The following PRKCB variants were observed in gnomAD, a reference collection of about 807,000 sequenced individuals.
PRKCB encodes protein kinase C beta type.
Under a neutral mutation model 81.5 loss-of-function variants are expected in PRKCB, and 13 were observed. The ratio of observed to expected loss-of-function variants is 0.16; its 90% CI spans 0.10 to 0.25. The LOEUF is 0.25. Among genes scored for constraint, PRKCB ranks in the 10% least tolerant of loss-of-function variants. The probability of loss-of-function intolerance (pLI) is 1.00; values close to 1 mark genes in which losing one functional copy is unlikely to be tolerated. For missense variants in PRKCB, 509 were observed against 875.7 expected (o/e 0.58, Z 5.29); for synonymous variants, 335 against 321.4 (o/e 1.04, Z -0.45).
chr16:23,943,802 T>C (rs1300435413), intron 2 of PRKCB, among the ~76,000 whole-genome samples: 1 of 152,214 alleles, frequency 6.6e-6, no homozygotes, highest in Admixed American at 6.5e-5. Context: ...CCATCAAGCC[T>C]AACCTTTATT....
intron 12 of PRKCB, among the ~76,000 whole-genome samples, chr16:24,180,321 T>C (rs1967598827): frequency 6.6e-6 from 1 of 152,226 alleles, no homozygotes; most frequent in Admixed American, 6.5e-5. Flanking sequence ...CAGGGAACAC[T>C]TAGCATTAAA....
intron 2 of PRKCB, among the ~76,000 whole-genome samples, chr16:23,844,608 C>T (rs1373579684): frequency 6.6e-6 from 1 of 151,418 alleles, no homozygotes; most frequent in Non-Finnish European, 1.5e-5. Flanking sequence ...CCCAGGTTCA[C>T]GCCATTCTCC....
rs781200953 is a variant in PRKCB, at chr16:24,216,269, G to A, written c.*1453G>A. 6.1e-5 allele frequency: 60 copies of A among 985,294 alleles called. No individual in the cohort carries two copies. The highest frequency in any genetic ancestry group is 1.9e-4 in the South Asian group (4 of 21,288). 61.0% of individuals were successfully genotyped at this position (985,294 alleles called of 1,614,324 possible). On this transcript the variant is annotated 3_prime_UTR_variant, in exon 17 of 17. Coordinates refer to ENST00000643927, the MANE Select transcript of PRKCB (RefSeq NM_002738.7). ...TCAAGTTTAGAGACCAGCTGGGAAC[G>A]TGAATGGGGCTCTTGATTTTCTTAT...
At chr16:23,896,289 CT>C (rs1273391810) in intron 2 of PRKCB, among the ~76,000 whole-genome samples, 4 of 152,156 alleles carry the variant, frequency 2.6e-5, no homozygotes, top group African/African-American at 4.8e-5. Context: ...TCATTACTCA[CT>C]TTTTATGTTT....
chr16:23,887,243 T>C (rs767074251), intron 2 of PRKCB, among the ~76,000 whole-genome samples: 5 of 152,226 alleles, frequency 3.3e-5, no homozygotes, highest in Non-Finnish European at 5.9e-5. Context: ...TGTGTGCAAG[T>C]TTGTCACATG....
chr16:24,053,611 A>C (rs1965868103), intron 5 of PRKCB, among the ~76,000 whole-genome samples: 1 of 152,204 alleles, frequency 6.6e-6, no homozygotes, highest in Non-Finnish European at 1.5e-5. Context: ...AGGGGACTGG[A>C]CCTGCACATT....
chr16:24,050,216 T>C (rs1965823612), intron 5 of PRKCB, among the ~76,000 whole-genome samples: 1 of 152,136 alleles, frequency 6.6e-6, no homozygotes, highest in Non-Finnish European at 1.5e-5. Flanking sequence ...CCTTCAGCCA[T>C]TTACTTTCTA....
At chr16:23,994,413 G>A (rs922156840) in intron 3 of PRKCB, among the ~76,000 whole-genome samples, 2 of 152,320 alleles carry the variant, frequency 1.3e-5, no homozygotes, top group South Asian at 2.1e-4. Context: ...TGTAGAGTGA[G>A]GCCCACTATG....
intron 2 of PRKCB, among the ~76,000 whole-genome samples, chr16:23,898,143 G>T (rs1242441913): frequency 6.6e-6 from 1 of 150,710 alleles, no homozygotes; most frequent in Non-Finnish European, 1.5e-5. Context: ...TCGGTTCACT[G>T]CAAGCTCCGC....
chr16:24,042,224 C>T (rs1965707142), intron 5 of PRKCB, among the ~76,000 whole-genome samples: 1 of 152,168 alleles, frequency 6.6e-6, no homozygotes, highest in South Asian at 2.1e-4. Flanking sequence ...CACTAGGGGG[C>T]AGTCTCTGCC....
At chr16:24,110,150 GGAGGGAGAGGAGGGA>G (rs1966656143) in intron 7 of PRKCB, among the ~76,000 whole-genome samples, 7 of 122,610 alleles carry the variant, frequency 5.7e-5, no homozygotes, top group South Asian at 2.6e-4. Context: ...AGGAGGGAGA[GGAGGGAGAGGAGGGA>G]GAGGGAGAGG....
chr16:24,191,459 T>C, intron 16 of PRKCB: 1 of 457,954 alleles, frequency 2.2e-6, no homozygotes, highest in East Asian at 3.6e-5. Context: ...ATTGAATTTT[T>C]GTTTCTTCGA....
chr16:24,031,184 G>A (rs996292838), intron 3 of PRKCB, among the ~76,000 whole-genome samples: 2 of 152,196 alleles, frequency 1.3e-5, no homozygotes, highest in African/African-American at 4.8e-5. Context: ...AGGCTATCAA[G>A]GGCATATTTA....
intron 5 of PRKCB, among the ~76,000 whole-genome samples, chr16:24,043,997 T>A (rs1266531250): frequency 1.3e-5 from 2 of 152,214 alleles, no homozygotes; most frequent in Non-Finnish European, 2.9e-5. Flanking sequence ...TTCTTTGAGA[T>A]GCAAAGAAAA....
At chr16:24,213,120 C>T (rs747632934) in intron 16 of PRKCB, among the ~76,000 whole-genome samples, 3 of 151,974 alleles carry the variant, frequency 2.0e-5, no homozygotes, top group South Asian at 2.1e-4. Context: ...CTGCAACCTC[C>T]GCCTCCCGGG....
At chr16:24,108,950 T>G in intron 7 of PRKCB, among the ~76,000 whole-genome samples, 1 of 129,154 alleles carries the variant, frequency 7.7e-6, no homozygotes, top group South Asian at 2.4e-4. Flanking sequence ...CGCCCCTCAC[T>G]TCCCGGATGG....
At chr16:23,898,062 G>A (rs1963408723) in intron 2 of PRKCB, among the ~76,000 whole-genome samples, 2 of 136,734 alleles carry the variant, frequency 1.5e-5, no homozygotes, top group Admixed American at 1.6e-4. Flanking sequence ...CACCATGCCC[G>A]GCTAATTTTT....
chr16:24,113,172 T>C lies in PRKCB; in HGVS notation c.918+103T>C, dbSNP rs890533013. On this transcript the variant is annotated intron_variant, in intron 8 of 16. Coordinates refer to ENST00000643927, the MANE Select transcript of PRKCB (RefSeq NM_002738.7). The stretch of plus-strand genomic sequence containing the variant: ...CTTTCTCTTTCTCTCTTATTCTTTT[T>C]TCTCTCCTTCCTTACTTCCTTCTTC... 15 of 787,466 alleles carry C rather than the reference T, an allele frequency of 1.9e-5. No individual in the cohort carries two copies. The African/African-American group carries it at 2.6e-4, about 14-fold the overall frequency. The allele number at this position is 787,466 out of a possible 1,614,324, so 48.8% of individuals were successfully genotyped here.
At chr16:24,053,442 T>C (rs919066468) in intron 5 of PRKCB, among the ~76,000 whole-genome samples, 7 of 152,352 alleles carry the variant, frequency 4.6e-5, no homozygotes, top group East Asian at 1.9e-4. Flanking sequence ...AAAACTTTAT[T>C]TACAAAAACA....
Sources: allele counts gnomAD v4.1 joint callset (sites outside exome capture counted in the v4.1 genomes callset), GRCh38; gene constraint gnomAD v4.1.1; transcripts MANE v1.5; gene names NCBI Gene and HGNC (gene_info 2026-07-23, HGNC 2026-07-21).